THSD7B: variants seen among roughly 807,000 people sequenced by gnomAD.
THSD7B encodes thrombospondin type-1 domain-containing protein 7B.
Under a neutral mutation model 213.6 loss-of-function variants are expected in THSD7B, and 138 were observed. The ratio of observed to expected loss-of-function variants is 0.65; its 90% CI spans 0.56 to 0.74. The LOEUF is 0.74. Among genes scored for constraint, THSD7B ranks in the 30% least tolerant of loss-of-function variants. The probability of loss-of-function intolerance (pLI) is 0.00; values close to 1 mark genes in which losing one functional copy is unlikely to be tolerated. For missense variants in THSD7B, 1,931 were observed against 1,991.5 expected, an observed-to-expected ratio of 0.97 and a Z score of 0.58; for synonymous variants, 742 against 687.0, an observed-to-expected ratio of 1.08 and a Z score of -1.25.
chr2:136,871,723 T>G (rs1035126604), intron 1 of THSD7B, among the ~76,000 whole-genome samples: 1 of 152,164 alleles, frequency 6.6e-6, no homozygotes, highest in African/African-American at 2.4e-5. Context: ...GTTCTTACTT[T>G]GGACTCTGTA....
At chr2:136,838,734 T>G (rs1682878020) in intron 1 of THSD7B, among the ~76,000 whole-genome samples, 1 of 152,204 alleles carries the variant, frequency 6.6e-6, no homozygotes, top group East Asian at 1.9e-4. Flanking sequence ...CATTTTGATC[T>G]GACCCTGAGG....
intron 15 of THSD7B, among the ~76,000 whole-genome samples, chr2:137,504,063 GAA>G (rs1299430503): frequency 6.6e-6 from 1 of 151,200 alleles, no homozygotes. Flanking sequence ...AGAGAAAAAG[GAA>G]AAGAGAGAGA....
At chr2:137,503,885 C>G (rs983897433) in intron 15 of THSD7B, among the ~76,000 whole-genome samples, 1 of 151,840 alleles carries the variant, frequency 6.6e-6, no homozygotes, top group Non-Finnish European at 1.5e-5. Flanking sequence ...ATTAGCTGGG[C>G]GTGGTGGAAT....
At chr2:136,878,860 G>T (rs1558835777) in intron 1 of THSD7B, among the ~76,000 whole-genome samples, 1 of 152,148 alleles carries the variant, frequency 6.6e-6, no homozygotes, top group Admixed American at 6.6e-5. Flanking sequence ...CTCCCATTCT[G>T]TAGGTTGCCT....
At chr2:137,542,809 C>T (rs573806749) in intron 15 of THSD7B, among the ~76,000 whole-genome samples, 5 of 151,858 alleles carry the variant, frequency 3.3e-5, no homozygotes, top group Admixed American at 2.0e-4. Context: ...GTTGTACTAA[C>T]ATAAGGATAA....
At chr2:137,457,626 A>G (rs1687788552) in intron 15 of THSD7B, among the ~76,000 whole-genome samples, 1 of 152,218 alleles carries the variant, frequency 6.6e-6, no homozygotes, top group Non-Finnish European at 1.5e-5. Flanking sequence ...AAGTGCTTCA[A>G]GTAGAAGCTC....
At chr2:137,662,242 C>T (rs13025180) in intron 25 of THSD7B, among the ~76,000 whole-genome samples, 41,345 of 90,406 alleles carry the variant, frequency 0.46, 7,598 homozygotes, top group East Asian at 0.5. Flanking sequence ...TTTTTTTTTT[C>T]TTTTTTTTTT....
rs188850232 is a variant in THSD7B, at chr2:136,876,529, A to G, written c.-35-5615A>G. ...TATAATAGCCTGGCTTCAGTCCACC[A>G]TTCCGTAGAAGTGGAGTGAATGTCT... On this transcript the variant is annotated intron_variant, in intron 1 of 27. Transcript: ENST00000409968. 1.6e-4 allele frequency among the ~76,000 whole-genome samples: 25 copies of G among 152,344 alleles called. 1 individual carries two copies. Among genetic ancestry groups the G allele is most frequent in the Admixed American group, 4.6e-4 (7 of 15,310 alleles).
chr2:136,983,079 A>AG (rs1411918397), intron 2 of THSD7B, among the ~76,000 whole-genome samples: 5 of 86,592 alleles, frequency 5.8e-5, no homozygotes, highest in Non-Finnish European at 1.0e-4. Context: ...GTTTAAAATT[A>AG]AAAAAAAAAA....
intron 2 of THSD7B, among the ~76,000 whole-genome samples, chr2:136,914,402 G>T (rs1684317801): frequency 1.3e-5 from 2 of 152,188 alleles, no homozygotes; most frequent in Admixed American, 1.3e-4. Flanking sequence ...TTGGCAGACT[G>T]TTGGGAAGGC....
At chr2:137,300,605 C>T (rs561012686) in intron 12 of THSD7B, among the ~76,000 whole-genome samples, 2 of 152,056 alleles carry the variant, frequency 1.3e-5, no homozygotes, top group South Asian at 4.2e-4. Context: ...TAAGTTGTCC[C>T]CAACATTTAT....
At chr2:137,422,615 A>G (rs1040868059) in intron 14 of THSD7B, among the ~76,000 whole-genome samples, 4 of 152,210 alleles carry the variant, frequency 2.6e-5, no homozygotes, top group Non-Finnish European at 4.4e-5. Flanking sequence ...GCATTTTCCT[A>G]TATATCAGTT....
At chr2:137,294,995 C>T (rs981774854) in intron 12 of THSD7B, among the ~76,000 whole-genome samples, 1 of 152,030 alleles carries the variant, frequency 6.6e-6, no homozygotes, top group Non-Finnish European at 1.5e-5. Flanking sequence ...ATACATGTAC[C>T]TATCCATGTA....
chr2:136,998,301 CA>C (rs1262492090), intron 2 of THSD7B, among the ~76,000 whole-genome samples: 15 of 139,574 alleles, frequency 1.1e-4, no homozygotes, highest in African/African-American at 3.9e-4. Flanking sequence ...AAAGAAAAGA[CA>C]AGACAAGACA....
chr2:137,183,818 T>C lies in THSD7B; in HGVS notation c.1723+12880T>C, dbSNP rs1018073529. Among the ~76,000 whole-genome samples, 22 of 152,248 alleles carry C rather than the reference T, an allele frequency of 1.4e-4. No individual in the cohort carries two copies. The South Asian group carries it at 2.7e-3, about 19-fold the overall frequency. On this transcript the variant is annotated intron_variant, in intron 7 of 27. Coordinates refer to ENST00000409968, the MANE Select transcript of THSD7B (RefSeq NM_001316349.2). ...CATCTATGGAAAATCAATTTCTTTG[T>C]TGTGAAAAATGGCTCATTGTCATTT...
intron 17 of THSD7B, among the ~76,000 whole-genome samples, chr2:137,595,858 A>G (rs1681947981): frequency 6.6e-6 from 1 of 151,968 alleles, no homozygotes; most frequent in Non-Finnish European, 1.5e-5. Flanking sequence ...ATAACTATAT[A>G]CCTATTTAAT....
At chr2:137,567,444 A>C (rs1681262336) in intron 16 of THSD7B, among the ~76,000 whole-genome samples, 1 of 152,240 alleles carries the variant, frequency 6.6e-6, no homozygotes, top group Non-Finnish European at 1.5e-5. Context: ...ACATTTGAAA[A>C]GAGCCTTATT....
intron 2 of THSD7B, among the ~76,000 whole-genome samples, chr2:136,957,726 G>T (rs1685151425): frequency 6.6e-6 from 1 of 152,148 alleles, no homozygotes; most frequent in South Asian, 2.1e-4. Flanking sequence ...TTTGAGGCAA[G>T]TGATAACAGC....
intron 2 of THSD7B, among the ~76,000 whole-genome samples, chr2:137,011,364 T>C (rs1686228360): frequency 6.6e-6 from 1 of 152,218 alleles, no homozygotes; most frequent in South Asian, 2.1e-4. Context: ...AAATCCTGTT[T>C]TAAGCTCTTC....
Sources: allele counts gnomAD v4.1 joint callset (sites outside exome capture counted in the v4.1 genomes callset), GRCh38; gene constraint gnomAD v4.1.1; transcripts MANE v1.5; gene names NCBI Gene and HGNC (gene_info 2026-07-23, HGNC 2026-07-21).